MCPH1: variants seen among roughly 807,000 people sequenced by gnomAD.
MCPH1 encodes microcephalin.
Under a neutral mutation model 84.5 loss-of-function variants are expected in MCPH1, and 104 were observed. The observed-to-expected ratio is 1.23, with a 90% CI of 1.05 to 1.45. The LOEUF (loss-of-function observed/expected upper bound fraction) is 1.45. MCPH1 is among the 40% of genes most tolerant of loss of function. MCPH1 has a pLI of 0.00. For missense variants in MCPH1, 1,498 were observed against 1,005.7 expected, an observed-to-expected ratio of 1.49 and a Z score of -6.62; for synonymous variants, 514 against 366.8, an observed-to-expected ratio of 1.40 and a Z score of -4.58.
intron 12 of MCPH1, among the ~76,000 whole-genome samples, chr8:6,565,505 C>G (rs1026614899): frequency 5.3e-5 from 8 of 152,184 alleles, no homozygotes; most frequent in African/African-American, 1.9e-4. Context: ...CAATGATCCT[C>G]TTGCTTGGCC....
chr8:6,478,728 T>C (rs902943819), intron 10 of MCPH1, among the ~76,000 whole-genome samples: 2 of 150,376 alleles, frequency 1.3e-5, no homozygotes, highest in Non-Finnish European at 2.9e-5. Flanking sequence ...GCTTTTTACT[T>C]TTTGTTTTTG....
At chr8:6,570,915 T>C (rs1214572282) in intron 12 of MCPH1, among the ~76,000 whole-genome samples, 3 of 151,662 alleles carry the variant, frequency 2.0e-5, no homozygotes, top group Non-Finnish European at 4.4e-5. Flanking sequence ...ATTTTAAAGC[T>C]GCACTGTACA....
intron 11 of MCPH1, among the ~76,000 whole-genome samples, chr8:6,481,884 A>T (rs898376925): frequency 6.6e-6 from 1 of 152,220 alleles, no homozygotes; most frequent in African/African-American, 2.4e-5. Context: ...GTGTAGTTTC[A>T]GGTACCATGG....
intron 12 of MCPH1, among the ~76,000 whole-genome samples, chr8:6,617,949 A>T (rs1471559103): frequency 7.1e-6 from 1 of 141,506 alleles, no homozygotes; most frequent in Non-Finnish European, 1.6e-5. Flanking sequence ...CTATCTTTCT[A>T]TCTATCTAGA....
At chr8:6,542,085 T>C (rs957182788) in intron 12 of MCPH1, among the ~76,000 whole-genome samples, 11 of 152,002 alleles carry the variant, frequency 7.2e-5, no homozygotes, top group African/African-American at 2.4e-4. Context: ...AGGAATGAGA[T>C]TGATGCATTT....
chr8:6,502,953 C>G, intron 12 of MCPH1: 1 of 850,122 alleles, frequency 1.2e-6, no homozygotes, highest in South Asian at 1.8e-5. Flanking sequence ...AGTTTACAGG[C>G]TCTAATCTGG....
chr8:6,476,856 T>C (rs976641963), intron 9 of MCPH1, among the ~76,000 whole-genome samples: 6 of 152,236 alleles, frequency 3.9e-5, no homozygotes, highest in African/African-American at 1.4e-4. Context: ...TATATATGTA[T>C]ATGCATGCAT....
chr8:6,536,734 G>A (rs1264272019), intron 12 of MCPH1, among the ~76,000 whole-genome samples: 12 of 152,094 alleles, frequency 7.9e-5, no homozygotes, highest in Non-Finnish European at 2.9e-5. Flanking sequence ...ACGTATCAAG[G>A]ATAATGAGAA....
At chr8:6,447,551 G>C (rs1460784735) in intron 8 of MCPH1, 16 of 505,408 alleles carry the variant, frequency 3.2e-5, no homozygotes, top group Non-Finnish European at 3.6e-5. Context: ...GTTTTGTTTT[G>C]TTTTTTAGTT....
rs554570061 is a variant in MCPH1 at position 6,646,184 on chromosome 8, G to T, written c.*3135G>T. 2 of 152,278 alleles carry T rather than the reference G, an allele frequency of 1.3e-5. No homozygotes were observed. The highest frequency in any genetic ancestry group is 2.1e-4 in the South Asian group (1 of 4,820). 9.4% of individuals were successfully genotyped at this position (152,278 alleles called of 1,614,324 possible). A position where few individuals can be genotyped will look rare whatever the true frequency, so the allele number is the denominator to read the frequency against. On this transcript the variant is annotated 3_prime_UTR_variant, in exon 14 of 14. Coordinates refer to ENST00000344683, the MANE Select transcript of MCPH1 (RefSeq NM_024596.5). ...TCACATCTGTAATACCAGCTCTCTGGGAGGCTGAGGCGGGTGGATCACTTG... is the reference window on the plus strand; with the variant it reads ...TCACATCTGTAATACCAGCTCTCTGTGAGGCTGAGGCGGGTGGATCACTTG...
chr8:6,491,345 G>A lies in MCPH1; in HGVS notation c.2137-8507G>A, dbSNP rs575600626. Among the ~76,000 whole-genome samples the A allele has an allele frequency of 1.8e-4, 26 of 148,488 alleles. No homozygotes were observed. In the South Asian group the frequency reaches 4.7e-3, roughly 27 times the overall value. On this transcript the variant is annotated intron_variant, in intron 11 of 13. Coordinates refer to ENST00000344683, the MANE Select transcript of MCPH1 (RefSeq NM_024596.5). ...GGAGAATACACCTACCACTTACTTC[G>A]ATAAACAGAAGTAGAGTCTATGGTT...
At chr8:6,600,280 G>A (rs1017819991) in intron 12 of MCPH1, among the ~76,000 whole-genome samples, 2 of 152,260 alleles carry the variant, frequency 1.3e-5, no homozygotes, top group Non-Finnish European at 2.9e-5. Flanking sequence ...ACCCCCAGGG[G>A]AGTGCAAGGG....
chr8:6,421,547 A>G (rs1273765083), intron 3 of MCPH1, among the ~76,000 whole-genome samples: 1 of 150,752 alleles, frequency 6.6e-6, no homozygotes, highest in Non-Finnish European at 1.5e-5. Context: ...GGTTAAGAGA[A>G]AAAAAAAATT....
chr8:6,557,960 ACGTCCTCCCCCT>A (rs1252538994), intron 12 of MCPH1, among the ~76,000 whole-genome samples: 1 of 152,102 alleles, frequency 6.6e-6, no homozygotes, highest in Admixed American at 6.5e-5. Flanking sequence ...CAGTTGTGCC[ACGTCCTCCCCCT>A]CTTCCTCATC....
chr8:6,589,717 C>CA (rs1178916548), intron 12 of MCPH1, among the ~76,000 whole-genome samples: 1 of 152,198 alleles, frequency 6.6e-6, no homozygotes, highest in Non-Finnish European at 1.5e-5. Context: ...TTAGTGATCT[C>CA]AAGTGTTTCC....
At position 6,646,756 on chromosome 8, in the gene MCPH1, A is replaced by G. The variant is rs1301620267; in HGVS notation, c.*3707A>G. On this transcript the variant is annotated 3_prime_UTR_variant, in exon 14 of 14. Coordinates refer to ENST00000344683, the MANE Select transcript of MCPH1 (RefSeq NM_024596.5). Reference sequence around the variant, plus strand: ...GGCATCCCTCCCCTGACACACACCTAGTTTTGACAATCTCTGTCTCCAGAT... The same window carrying G: ...GGCATCCCTCCCCTGACACACACCTGGTTTTGACAATCTCTGTCTCCAGAT... 5.9e-5 allele frequency: 9 copies of G among 152,240 alleles called. No individual in the cohort carries two copies. Among genetic ancestry groups the G allele is most frequent in the Admixed American group, 5.9e-4 (9 of 15,280 alleles). 9.4% of individuals were successfully genotyped at this position (152,240 alleles called of 1,614,324 possible). A position where few individuals can be genotyped will look rare whatever the true frequency, so the allele number is the denominator to read the frequency against.
chr8:6,455,290 C>G, intron 9 of MCPH1, 38 bp downstream of exon 9: 3 of 1,329,710 alleles, frequency 2.3e-6, no homozygotes, highest in Non-Finnish European at 3.3e-6. Flanking sequence ...CTTTCAAATG[C>G]TGATACATCA....
chr8:6,595,555 T>A (rs936682038), intron 12 of MCPH1, among the ~76,000 whole-genome samples: 1 of 152,132 alleles, frequency 6.6e-6, no homozygotes. Flanking sequence ...AACTGGCAGG[T>A]GGGCTTCTGC....
intron 7 of MCPH1, 96 bp from the exon 8 acceptor site, chr8:6,444,297 C>A: frequency 7.2e-7 from 1 of 1,385,470 alleles, no homozygotes; most frequent in Non-Finnish European, 1.0e-6. Flanking sequence ...TAACTAATAG[C>A]TGTACTTTAA....
Sources: allele counts gnomAD v4.1 joint callset (sites outside exome capture counted in the v4.1 genomes callset), GRCh38; gene constraint gnomAD v4.1.1; transcripts MANE v1.5; gene names NCBI Gene and HGNC (gene_info 2026-07-23, HGNC 2026-07-21).